Variants in G2E3 observed in about 807,000 individuals in gnomAD.
G2E3 encodes G2/M-phase specific E3 ubiquitin protein ligase.
G2E3 carries 35 observed loss-of-function variants against 92.8 expected under a neutral mutation model. That is an observed-to-expected ratio of 0.38 (90% CI 0.29 to 0.50). The LOEUF is 0.50. Ranked by LOEUF, G2E3 falls within the 20% of genes least tolerant of loss-of-function variation. The pLI is 0.94. For synonymous variants in G2E3, 242 were observed against 272.4 expected (o/e 0.89, Z 1.10); for missense variants, 554 against 823.8 (o/e 0.67, Z 4.01).
chr14:30,567,360 A>C (rs1184376895), intron 1 of G2E3, among the ~76,000 whole-genome samples: 2 of 151,886 alleles, frequency 1.3e-5, no homozygotes, highest in Admixed American at 1.3e-4. Context: ...GATTTGTTGA[A>C]ATTTTCTATT....
At chr14:30,587,260 A>G (rs1180325897) in intron 3 of G2E3, among the ~76,000 whole-genome samples, 1 of 152,120 alleles carries the variant, frequency 6.6e-6, no homozygotes, top group Non-Finnish European at 1.5e-5. Flanking sequence ...TATTTTTGGA[A>G]AAGGAAACCA....
At chr14:30,586,658 A>T (rs1017470779) in intron 2 of G2E3, 60 bp from the exon 3 acceptor site, 6 of 584,164 alleles carry the variant, frequency 1.0e-5, no homozygotes, top group African/African-American at 7.9e-5. Context: ...CACCAATTCC[A>T]TAGGGTTTTT....
In G2E3 at chr14:30,586,692, A is replaced by G. The variant is rs528278657; in HGVS notation, c.38-26A>G. On this transcript the variant is annotated intron_variant, in intron 2 of 14. Coordinates refer to ENST00000206595, the MANE Select transcript of G2E3 (RefSeq NM_017769.5). Reference sequence around the variant, plus strand: ...TTTTGAAATATTTAAATATATTTTTATATCTATTTACTTTTTCACTGTTAG... The same window carrying G: ...TTTTGAAATATTTAAATATATTTTTGTATCTATTTACTTTTTCACTGTTAG... 93 of 750,488 alleles carry G rather than the reference A, an allele frequency of 1.2e-4. 2 individuals are homozygous for G. In the South Asian group the frequency reaches 1.7e-3, roughly 13 times the overall value. 46.5% of individuals were successfully genotyped at this position (750,488 alleles called of 1,614,324 possible).
At chr14:30,562,364 A>G (rs1879154017) in intron 1 of G2E3, among the ~76,000 whole-genome samples, 1 of 152,196 alleles carries the variant, frequency 6.6e-6, no homozygotes, top group Non-Finnish European at 1.5e-5. Context: ...CTCTACAATC[A>G]TAACCTAGGA....
chr14:30,600,108 A>T (rs1220157038), intron 8 of G2E3, among the ~76,000 whole-genome samples: 1 of 152,230 alleles, frequency 6.6e-6, no homozygotes, highest in Admixed American at 6.5e-5. Flanking sequence ...AATTTCAATA[A>T]TTTGTTATCA....
rs1330948193 is a variant in G2E3 at position 30,572,876 on chromosome 14, CAT to C, written c.-4-8196_-4-8195del. 2.6e-5 allele frequency among the ~76,000 whole-genome samples: 4 copies of C among 152,244 alleles called. No individual in the cohort carries two copies. The South Asian group carries it at 6.2e-4, about 24-fold the overall frequency. ...TTGAGGCTGAGGTCTCAGGAAAAAA[CAT>C]ATAGAACATGAAGGAAAGTCTAAAC... On this transcript the variant is annotated intron_variant, in intron 1 of 14. Coordinates refer to ENST00000206595, the MANE Select transcript of G2E3 (RefSeq NM_017769.5).
At chr14:30,563,192 A>G (rs1182906905) in intron 1 of G2E3, among the ~76,000 whole-genome samples, 1 of 150,626 alleles carries the variant, frequency 6.6e-6, no homozygotes, top group African/African-American at 2.5e-5. Context: ...GTGGTATGTT[A>G]GATGTAATAA....
chr14:30,562,138 A>C (rs1369624171), intron 1 of G2E3, among the ~76,000 whole-genome samples: 1 of 152,186 alleles, frequency 6.6e-6, no homozygotes, highest in African/African-American at 2.4e-5. Context: ...TAGCTTTTAA[A>C]ATGTATTTTT....
At chr14:30,581,210 C>T (rs1247984831) in intron 2 of G2E3, 94 bp downstream of exon 2, 2 of 739,244 alleles carry the variant, frequency 2.7e-6, no homozygotes, top group Non-Finnish European at 2.4e-6. Flanking sequence ...TTCCCTGGCA[C>T]AAGCTTAGTT....
At chr14:30,600,844 C>T (rs979616305) in intron 8 of G2E3, among the ~76,000 whole-genome samples, 1 of 152,228 alleles carries the variant, frequency 6.6e-6, no homozygotes, top group African/African-American at 2.4e-5. Flanking sequence ...ATTGACCCCT[C>T]TGTGCCTTGA....
chr14:30,609,095 TCACA>T (rs1490094616), intron 12 of G2E3, among the ~76,000 whole-genome samples: 1 of 152,248 alleles, frequency 6.6e-6, no homozygotes, highest in African/African-American at 2.4e-5. Flanking sequence ...AGTTTCTAAA[TCACA>T]CAGTAAGCAC....
chr14:30,610,398 G>A (rs937113281), intron 12 of G2E3, among the ~76,000 whole-genome samples: 4 of 152,260 alleles, frequency 2.6e-5, no homozygotes, highest in South Asian at 2.1e-4. Context: ...GTGGATCACC[G>A]GGGTCAGCAG....
chr14:30,588,775 A>G (rs573817562), intron 3 of G2E3, among the ~76,000 whole-genome samples: 5 of 152,240 alleles, frequency 3.3e-5, no homozygotes, highest in Non-Finnish European at 5.9e-5. Flanking sequence ...CACATTCTAC[A>G]CTTTCTCTGA....
intron 1 of G2E3, among the ~76,000 whole-genome samples, chr14:30,577,261 G>T (rs530298008): frequency 6.6e-6 from 1 of 150,926 alleles, no homozygotes; most frequent in South Asian, 2.1e-4. Flanking sequence ...AAAAAATGTT[G>T]GGTGGTTAGG....
intron 1 of G2E3, among the ~76,000 whole-genome samples, chr14:30,563,048 CTT>C (rs776940662): frequency 6.6e-6 from 1 of 151,944 alleles, no homozygotes; most frequent in Non-Finnish European, 1.5e-5. Context: ...GCCCAGCTGT[CTT>C]TTCTTTTATC....
intron 4 of G2E3, among the ~76,000 whole-genome samples, chr14:30,591,805 T>C (rs1377208902): frequency 1.3e-5 from 2 of 152,180 alleles, no homozygotes; most frequent in African/African-American, 4.8e-5. Flanking sequence ...CATTCACAGG[T>C]ACTGGGAGTC....
chr14:30,595,429 CAAAG>C (rs1881231625), intron 6 of G2E3, among the ~76,000 whole-genome samples: 2 of 152,026 alleles, frequency 1.3e-5, no homozygotes, highest in Admixed American at 1.3e-4. Flanking sequence ...AATAATTAAG[CAAAG>C]AAAGGTTCTC....
At chr14:30,599,107 C>T (rs1268913514) in intron 8 of G2E3, among the ~76,000 whole-genome samples, 1 of 152,224 alleles carries the variant, frequency 6.6e-6, no homozygotes, top group Non-Finnish European at 1.5e-5. Flanking sequence ...TATGTCCTCA[C>T]ACGAGTTGTC....
chr14:30,614,450 C>G (rs912851316), intron 13 of G2E3, among the ~76,000 whole-genome samples: 2 of 152,274 alleles, frequency 1.3e-5, no homozygotes, highest in Admixed American at 1.3e-4. Context: ...GGTGTGCCCT[C>G]GAAATCAGGC....
Sources: allele counts gnomAD v4.1 joint callset (sites outside exome capture counted in the v4.1 genomes callset), GRCh38; gene constraint gnomAD v4.1.1; transcripts MANE v1.5; gene names NCBI Gene and HGNC (gene_info 2026-07-23, HGNC 2026-07-21).